Variants in PLXNA1 observed in about 807,000 individuals in gnomAD.
PLXNA1 encodes plexin A1.
A neutral mutation model predicts 191.7 loss-of-function variants in PLXNA1; 77 were observed. That is an observed-to-expected ratio of 0.40 (90% CI 0.33 to 0.49). PLXNA1 has a LOEUF of 0.49. Among genes scored for constraint, PLXNA1 ranks in the 20% least tolerant of loss-of-function variants. The probability of loss-of-function intolerance (pLI) is 0.63; values close to 1 mark genes in which losing one functional copy is unlikely to be tolerated. For synonymous variants in PLXNA1, 1,137 were observed against 1,156.4 expected, an observed-to-expected ratio of 0.98 and a Z score of 0.34; for missense variants, 2,110 against 2,660.2, an observed-to-expected ratio of 0.79 and a Z score of 4.55.
intron 3 of PLXNA1, among the ~76,000 whole-genome samples, chr3:127,002,135 G>C (rs545162680): frequency 5.9e-5 from 9 of 152,358 alleles, no homozygotes; most frequent in Admixed American, 2.6e-4. Flanking sequence ...GCCGCCCGCT[G>C]TCCCTGCATC....
intron 2 of PLXNA1, 40 bp from the exon 3 acceptor site, chr3:126,991,344 G>A (rs753659730): frequency 4.4e-6 from 7 of 1,603,804 alleles, no homozygotes; most frequent in Non-Finnish European, 6.0e-6. Context: ...TCCGGGAGAA[G>A]GTGCCCGGGG....
chr3:126,995,595 C>T (rs2079011413), intron 3 of PLXNA1, among the ~76,000 whole-genome samples: 1 of 152,274 alleles, frequency 6.6e-6, no homozygotes, highest in African/African-American at 2.4e-5. Context: ...GAATGTAGGC[C>T]TGACTGCCTG....
intron 1 of PLXNA1, among the ~76,000 whole-genome samples, chr3:126,987,386 C>G (rs766516161): frequency 1.3e-5 from 2 of 152,186 alleles, no homozygotes; most frequent in Admixed American, 6.5e-5. Flanking sequence ...AGAAGAGTGG[C>G]CTTAGCCTCT....
In PLXNA1 at chr3:127,022,416, C is replaced by G. The variant is rs1159467440; in HGVS notation, c.4295+75C>G. ...CTTTGGACAGGTTGGTCTAGCAGGC[C>G]CAGAGACGTTGCTGTGGCAGTTCCC... On this transcript the variant is annotated intron_variant, in intron 22 of 31. Coordinates refer to ENST00000393409, the MANE Select transcript of PLXNA1 (RefSeq NM_032242.4). 7.8e-6 allele frequency: 12 copies of G among 1,540,936 alleles called. No individual in the cohort carries two copies. In the South Asian group the frequency reaches 1.4e-4, roughly 18 times the overall value.
intron 1 of PLXNA1, among the ~76,000 whole-genome samples, 82 bp from the exon 2 acceptor site, chr3:126,988,439 G>C (rs2078971770): frequency 6.6e-6 from 1 of 152,224 alleles, no homozygotes; most frequent in South Asian, 2.1e-4. Context: ...GCCCAGCACT[G>C]GAAGGGCTCA....
chr3:127,010,373 G>A (rs1175470100), intron 9 of PLXNA1, among the ~76,000 whole-genome samples: 7 of 152,188 alleles, frequency 4.6e-5, no homozygotes, highest in Admixed American at 3.9e-4. Context: ...AGGCCAGGTC[G>A]AGTCAGGTGA....
In PLXNA1 at chr3:127,014,614, A is replaced by T. The variant is rs549046031; in HGVS notation, c.2741A>T (p.Tyr914Phe). The change falls in exon 13 of 32, where the codon TAC (tyrosine) becomes TTC (phenylalanine). Residue 914 changes from tyrosine (Y) to phenylalanine (F), a missense_variant. Tyr to Phe is a conservative substitution (Grantham distance 22). Coordinates refer to ENST00000393409, the MANE Select transcript of PLXNA1 (RefSeq NM_032242.4). ...CTGTGCAGCCCTGTGGAGAGCGAGT[A>T]CATCAGTGCGGAGCAGTGAGTGCAG... is the stretch of plus-strand genomic sequence containing the variant. Reference protein sequence around the residue: ...KVLCSPVESEYISAEQIVCEI... With the variant: ...KVLCSPVESEFISAEQIVCEI... 1 of 1,613,244 alleles carries T rather than the reference A, an allele frequency of 6.2e-7. No individual in the cohort carries two copies. The highest frequency in any genetic ancestry group is 1.7e-5 in the Admixed American group (1 of 60,022).
rs779822527 is a variant in PLXNA1, at chr3:126,989,762, A to G, written c.1169A>G (p.Asn390Ser). 2.5e-6 allele frequency: 4 copies of G among 1,611,062 alleles called. No individual in the cohort carries two copies. The highest frequency in any genetic ancestry group is 1.7e-5 in the Admixed American group (1 of 59,886). ...AAGCTCTCCCTGCCGTGGCTGCTCAACAAGGAGCTGGGCTGCATCAACTCG... is the reference window on the plus strand; with the variant it reads ...AAGCTCTCCCTGCCGTGGCTGCTCAGCAAGGAGCTGGGCTGCATCAACTCG... ...EGKLSLPWLLNKELGCINSPL... is the reference protein window; with the variant it reads ...EGKLSLPWLLSKELGCINSPL... The change falls in exon 2 of 32, where the codon AAC becomes AGC. Residue 390 changes from asparagine to serine, a missense_variant. By Grantham distance (46) the Asn-to-Ser change is conservative (BLOSUM62 1). Transcript: ENST00000393409.
At chr3:126,990,148 A>G (rs2078983473) in intron 2 of PLXNA1, among the ~76,000 whole-genome samples, 1 of 152,210 alleles carries the variant, frequency 6.6e-6, no homozygotes, top group Admixed American at 6.5e-5. Context: ...CCCATCCTAC[A>G]AATGAGGTTA....
At chr3:127,033,109 G>A (rs1280250922) in intron 31 of PLXNA1, among the ~76,000 whole-genome samples, 1 of 152,240 alleles carries the variant, frequency 6.6e-6, no homozygotes, top group Admixed American at 6.5e-5. Context: ...GAGGCAGAGG[G>A]TGTGTGGGTG....
At chr3:127,019,119 C>T (rs752033891) in intron 20 of PLXNA1, among the ~76,000 whole-genome samples, 2 of 152,174 alleles carry the variant, frequency 1.3e-5, no homozygotes, top group Admixed American at 1.3e-4. Context: ...AGACTTTGAG[C>T]GTTTGCAGAT....
rs1360149457 is a variant in PLXNA1 at position 126,983,307 on chromosome 3, T to G, written c.-74+20T>G. Among the ~76,000 whole-genome samples the G allele has an allele frequency of 9.8e-4, 133 of 135,548 alleles. 1 individual carries two copies. The highest frequency in any genetic ancestry group is 1.7e-3 in the Non-Finnish European group (104 of 62,528). The allele number at this position is 135,548 out of a possible 152,430, so 88.9% of individuals were successfully genotyped here. A position where few individuals can be genotyped will look rare whatever the true frequency, so the allele number is the denominator to read the frequency against. ...CGGCGGGTGAGTCGGGGCGCAACTT[T>G]CCCCGCGGCGCGGGACGGTGGGCGG... On this transcript the variant is annotated intron_variant, in intron 1 of 31. Transcript: ENST00000393409.
chr3:127,007,925 C>T lies in PLXNA1; in HGVS notation c.2112+12C>T. 2 of 1,585,130 alleles carry T rather than the reference C, an allele frequency of 1.3e-6. No individual in the cohort carries two copies. The highest frequency in any genetic ancestry group is 2.2e-5 in the South Asian group (2 of 89,310). ...TCAACGTGTCTGAGGTAAGGCCGGG[C>T]AAGGGTGAGGGTCAGGTTTTCAGAG... On this transcript the variant is annotated intron_variant, in intron 9 of 31. Coordinates refer to ENST00000393409, the MANE Select transcript of PLXNA1 (RefSeq NM_032242.4).
chr3:127,027,944 G>T lies in PLXNA1; in HGVS notation c.4367G>T (p.Cys1456Phe). ...TFLLYKFLKE[C>F]AGEPLFMLYC... The stretch of plus-strand genomic sequence containing the variant: ...CTCATGCCGCCACCCCCGCAGGAGT[G>T]CGCTGGGGAGCCGCTGTTCATGCTG... The change falls in exon 24 of 32, where the codon TGC (cysteine) becomes TTC (phenylalanine). Residue 1456 changes from cysteine (C) to phenylalanine (F), a missense_variant. This residue lies in a region of PLXNA1 where 559 missense variants were observed against 911.5 expected (regional missense o/e 0.61). Coordinates refer to ENST00000393409, the MANE Select transcript of PLXNA1 (RefSeq NM_032242.4). The T allele has an allele frequency of 6.2e-7, 1 of 1,613,368 alleles. No individual in the cohort carries two copies. Among genetic ancestry groups the T allele is most frequent in the Non-Finnish European group, 8.5e-7 (1 of 1,179,954 alleles).
intron 1 of PLXNA1, among the ~76,000 whole-genome samples, chr3:126,983,559 C>A (rs1576664638): frequency 1.4e-5 from 2 of 146,636 alleles, no homozygotes; most frequent in African/African-American, 2.5e-5. Flanking sequence ...AGAGACCGCA[C>A]CCCCGTGCGG....
intron 2 of PLXNA1, among the ~76,000 whole-genome samples, chr3:126,989,988 A>C (rs1442970777): frequency 6.6e-6 from 1 of 152,226 alleles, no homozygotes; most frequent in Non-Finnish European, 1.5e-5. Context: ...CTAGCCCCAA[A>C]GGCTGCTCCC....
rs756778515 is a variant in PLXNA1 at position 127,016,536 on chromosome 3, C to A, written c.3034C>A (p.Arg1012=). Reference sequence around the variant, plus strand: ...CTCCAGGAGGAACTCCCGTGAGATCCGGTGCCTGACACCCCCCGGGCAGAG... The same window carrying A: ...CTCCAGGAGGAACTCCCGTGAGATCAGGTGCCTGACACCCCCCGGGCAGAG... ...SFSWRNSREI[R]CLTPPGQSPG... Residue 1012 remains arginine, a synonymous_variant, in exon 16 of 32, where the codon CGG becomes AGG. Coordinates refer to ENST00000393409, the MANE Select transcript of PLXNA1 (RefSeq NM_032242.4). 6.2e-7 allele frequency: 1 copy of A among 1,613,740 alleles called. No individual in the cohort carries two copies. The highest frequency in any genetic ancestry group is 8.5e-7 in the Non-Finnish European group (1 of 1,179,916).
chr3:126,991,048 C>T (rs61490176), intron 2 of PLXNA1, among the ~76,000 whole-genome samples: 3,526 of 152,280 alleles, frequency 0.023, 147 homozygotes, highest in African/African-American at 0.08. Flanking sequence ...AGACAAGGAC[C>T]ATCTGCCCCA....
At position 126,988,884 on chromosome 3, in the gene PLXNA1, G is replaced by A. The variant is rs373197049; in HGVS notation, c.291G>A (p.Pro97=). ...GPVEDNEKCY[P]PPSVQSCPHG... ...TGGAGGACAACGAGAAGTGCTACCC[G>A]CCGCCCAGCGTGCAGTCCTGCCCCC... Residue 97 remains proline (P), a synonymous_variant, in exon 2 of 32, where the codon CCG becomes CCA. Transcript: ENST00000393409. 1.5e-4 allele frequency: 237 copies of A among 1,613,270 alleles called. No homozygotes were observed. Among genetic ancestry groups the A allele is most frequent in the Admixed American group, 2.8e-4 (17 of 60,028 alleles).
Sources: gnomAD v4.1 joint callset for allele counts (sites outside exome capture counted in the v4.1 genomes callset) on GRCh38, gnomAD v4.1.1 for gene constraint, gnomAD v4.1.1 regional missense constraint, MANE v1.5 for transcripts, NCBI Gene and HGNC (gene_info 2026-07-23, HGNC 2026-07-21) for gene names.